The following GALNS variants were observed in gnomAD, a reference collection of about 807,000 sequenced individuals.
GALNS encodes N-acetylgalactosamine-6-sulfatase.
In GALNS, 65 loss-of-function variants were observed where a neutral mutation model predicts 65.9. The ratio of observed to expected loss-of-function variants is 0.99; its 90% confidence interval spans 0.81 to 1.21. The LOEUF (loss-of-function observed/expected upper bound fraction) is 1.21. Ranked by LOEUF, GALNS falls within the 50% of genes most tolerant of loss-of-function variation. The pLI is 0.00. For synonymous variants in GALNS, 346 were observed against 288.9 expected (o/e 1.20, Z -2.00); for missense variants, 776 against 700.7 (o/e 1.11, Z -1.21).
chr16:88,856,733 G>A, intron 1 of GALNS, 25 bp downstream of exon 1: 4 of 1,091,158 alleles, frequency 3.7e-6, no homozygotes, highest in Admixed American at 2.3e-5. Flanking sequence ...CCCCGGCCCT[G>A]CCCCGTCCCA....
intron 2 of GALNS, chr16:88,842,382 C>G (rs562184798): frequency 1.3e-5 from 7 of 521,252 alleles, no homozygotes; most frequent in Non-Finnish European, 2.4e-5. Context: ...GAGTGGGACT[C>G]CTGCTTCCCA....
At chr16:88,822,389 G>A (rs539793335) in intron 12 of GALNS, among the ~76,000 whole-genome samples, 200 bp downstream of exon 12, 1 of 152,282 alleles carries the variant, frequency 6.6e-6, no homozygotes, top group South Asian at 2.1e-4. Flanking sequence ...CAGAAGTGGG[G>A]AGACCACCAG....
At chr16:88,844,023 G>A (rs139577565) in intron 1 of GALNS, 2 of 152,454 alleles carry the variant, frequency 1.3e-5, no homozygotes, top group African/African-American at 2.4e-5. Flanking sequence ...GATGAGTACC[G>A]GTTTCTTCTT....
At position 88,814,489 on chromosome 16, in the gene GALNS, A is replaced by G. The variant is rs1567509070; in HGVS notation, c.1519T>C (p.Cys507Arg). 2.6e-6 allele frequency: 4 copies of G among 1,561,920 alleles called. No homozygotes were observed. Among genetic ancestry groups the G allele is most frequent in the Non-Finnish European group, 3.5e-6 (4 of 1,152,390 alleles). Reference protein sequence around the residue: ...APPGCEKLGKCLTPPESIPKK... With the variant: ...APPGCEKLGKRLTPPESIPKK... ...GGAATGGATTCTGGAGGTGTCAGAC[A>G]CTTCCCTAACTTTTCACAGCCCGGA... The change falls in exon 14 of 14, where the codon TGT (cysteine) becomes CGT (arginine). Residue 507 changes from cysteine (C) to arginine (R), a missense_variant. Coordinates refer to ENST00000268695, the MANE Select transcript of GALNS (RefSeq NM_000512.5).
At chr16:88,815,926 C>T in intron 13 of GALNS, 3 of 985,454 alleles carry the variant, frequency 3.0e-6, no homozygotes, top group Non-Finnish European at 3.6e-6. Context: ...TGGCCACACT[C>T]CCTCTCCTCT....
At chr16:88,824,676 C>T in intron 11 of GALNS, 91 bp downstream of exon 11, 1 of 1,055,740 alleles carries the variant, frequency 9.5e-7, no homozygotes, top group Non-Finnish European at 1.5e-6. Context: ...CTGTCTCACC[C>T]TCCTGTGCCT....
intron 12 of GALNS, among the ~76,000 whole-genome samples, chr16:88,820,109 G>T (rs1157898419): frequency 1.3e-5 from 2 of 150,452 alleles, no homozygotes; most frequent in Admixed American, 1.3e-4. Context: ...GATCACAGGT[G>T]TGAGTGACCA....
rs1567519109 is a variant in GALNS at position 88,824,781 on chromosome 16, C to A, written c.1228G>T (p.Glu410Ter). The change falls in exon 11 of 14, where the codon GAG becomes TAG. Residue 410 changes from glutamate (E) to a stop codon, truncating the protein, a stop_gained. Coordinates refer to ENST00000268695, the MANE Select transcript of GALNS (RefSeq NM_000512.5). LOFTEE classifies it high-confidence loss of function. ...GAGCCCTGTACCTGTCTGAAGTTCT[C>A]CCAGGAGTTGGTCCAGGTCCAGAAG... is the stretch of plus-strand genomic sequence containing the variant. Reference protein sequence around the residue: ...AHFWTWTNSWENFRQGIDFCP... With the variant: ...AHFWTWTNSW 2 of 1,613,372 alleles carry A rather than the reference C, an allele frequency of 1.2e-6. No homozygotes were observed. The highest frequency in any genetic ancestry group is 3.3e-4 in the Middle Eastern group (2 of 6,062).
At chr16:88,843,500 G>A (rs1967087798) in intron 1 of GALNS, 2 of 328,562 alleles carry the variant, frequency 6.1e-6, no homozygotes, top group Admixed American at 3.9e-5. Flanking sequence ...TGGAAGTAGG[G>A]TCTCTGCAGA....
At chr16:88,815,639 C>A in intron 13 of GALNS, 1 of 985,496 alleles carries the variant, frequency 1.0e-6, no homozygotes, top group Non-Finnish European at 1.2e-6. Context: ...TGTGCCACGT[C>A]AGACGCCGCA....
intron 9 of GALNS, among the ~76,000 whole-genome samples, chr16:88,828,098 G>T (rs1048605432): frequency 6.6e-6 from 1 of 152,256 alleles, no homozygotes; most frequent in Non-Finnish European, 1.5e-5. Context: ...CGTTTGCCAG[G>T]AAAGTTCAGG....
chr16:88,828,527 G>A (rs1022086002), intron 9 of GALNS, among the ~76,000 whole-genome samples: 1 of 152,242 alleles, frequency 6.6e-6, no homozygotes, highest in African/African-American at 2.4e-5. Context: ...CTGAAACCCC[G>A]TCGTGGTGTC....
At chr16:88,852,111 C>G (rs1967533356) in intron 1 of GALNS, among the ~76,000 whole-genome samples, 2 of 152,192 alleles carry the variant, frequency 1.3e-5, no homozygotes, top group South Asian at 4.1e-4. Flanking sequence ...CCAGTAGGGG[C>G]CCACTGACAC....
chr16:88,814,999 C>T lies in GALNS; in HGVS notation c.1483-474G>A, dbSNP rs865885834. 188 of 980,798 alleles carry T rather than the reference C, an allele frequency of 1.9e-4. No homozygotes were observed. The African/African-American group carries it at 2.4e-3, about 12-fold the overall frequency. The allele number at this position is 980,798 out of a possible 1,614,324, so 60.8% of individuals were successfully genotyped here. On this transcript the variant is annotated intron_variant, in intron 13 of 13. Coordinates refer to ENST00000268695, the MANE Select transcript of GALNS (RefSeq NM_000512.5). ...CCACCTGCCTTGGCCTCCCAAAGTG[C>T]TGGGATTATAGGCGTGAGCCACCGC...
intron 1 of GALNS, chr16:88,855,574 G>A (rs1483739095): frequency 2.3e-5 from 16 of 686,310 alleles, no homozygotes; most frequent in Admixed American, 4.2e-5. Context: ...CAGGACTGTC[G>A]GCTGTCACCC....
At chr16:88,856,437 C>T (rs992824922) in intron 1 of GALNS, 1 of 700,782 alleles carries the variant, frequency 1.4e-6, no homozygotes, top group Non-Finnish European at 2.6e-6. Context: ...CCCGGTAGCA[C>T]GCCGGCCACC....
intron 1 of GALNS, 109 bp from the exon 2 acceptor site, chr16:88,842,938 C>A: frequency 3.2e-6 from 5 of 1,542,100 alleles, no homozygotes; most frequent in Non-Finnish European, 4.4e-6. Flanking sequence ...GAAGCCAGCA[C>A]CACCCTGTGT....
At chr16:88,841,609 G>T (rs1966975441) in intron 3 of GALNS, among the ~76,000 whole-genome samples, 1 of 152,362 alleles carries the variant, frequency 6.6e-6, no homozygotes, top group Admixed American at 6.5e-5. Context: ...CGGCCTCCCT[G>T]TGGGTGTGCG....
intron 12 of GALNS, among the ~76,000 whole-genome samples, chr16:88,818,998 C>T (rs995552601): frequency 3.9e-5 from 6 of 152,166 alleles, no homozygotes; most frequent in African/African-American, 1.4e-4. Flanking sequence ...TGAGTCAGCT[C>T]CCCTCCTGAT....
Sources: gnomAD v4.1 joint callset for allele counts (sites outside exome capture counted in the v4.1 genomes callset) on GRCh38, gnomAD v4.1.1 for gene constraint, MANE v1.5 for transcripts, NCBI Gene and HGNC (gene_info 2026-07-23, HGNC 2026-07-21) for gene names.